The following ANXA8 variants were observed in gnomAD, a reference collection of about 807,000 sequenced individuals.
ANXA8 encodes the protein annexin A8, also known as VAC-beta.
A neutral mutation model predicts 26.8 loss-of-function variants in ANXA8; 9 were observed. The observed-to-expected ratio is 0.34, with a 90% CI of 0.20 to 0.59. The LOEUF (loss-of-function observed/expected upper bound fraction) is 0.59. Among genes scored for constraint, ANXA8 ranks in the 20% least tolerant of loss-of-function variants. ANXA8 has a pLI of 0.84. For synonymous variants in ANXA8, 39 were observed against 94.8 expected (o/e 0.41, Z 3.42); for missense variants, 83 against 238.5 (o/e 0.35, Z 4.29).
chr10:47,584,101 C>G, the ANXA8 span, among the ~76,000 whole-genome samples: 2 of 147,240 alleles, frequency 1.4e-5, 1 homozygote, highest in African/African-American at 5.3e-5. Flanking sequence ...CATCGCCCAG[C>G]CCGGAAGGTT....
chr10:47,779,125 G>A, the ANXA8 span, among the ~76,000 whole-genome samples: 2 of 141,010 alleles, frequency 1.4e-5, no homozygotes, highest in African/African-American at 2.7e-5. Context: ...TTAAACTGAG[G>A]TTATAGCCCA....
At chr10:47,660,148 A>G in the ANXA8 span, among the ~76,000 whole-genome samples, 1 of 147,058 alleles carries the variant, frequency 6.8e-6, no homozygotes, top group Non-Finnish European at 1.5e-5. Flanking sequence ...GAGTAATAGT[A>G]TGTATAAAAC....
the ANXA8 span, among the ~76,000 whole-genome samples, chr10:47,605,014 A>C: frequency 6.6e-6 from 1 of 151,288 alleles, no homozygotes; most frequent in East Asian, 1.9e-4. Flanking sequence ...ACGCATCCTA[A>C]ACCAAACCAA....
At chr10:47,607,869 TA>T in the ANXA8 span, among the ~76,000 whole-genome samples, 1 of 101,706 alleles carries the variant, frequency 9.8e-6, no homozygotes, top group Non-Finnish European at 1.9e-5. Context: ...AATAAACATT[TA>T]AAAAGGTGAG....
chr10:47,719,202 C>G, the ANXA8 span, among the ~76,000 whole-genome samples: 1 of 139,592 alleles, frequency 7.2e-6, no homozygotes. Context: ...CTCTTTCGCC[C>G]AGGCCGGTGT....
the ANXA8 span, among the ~76,000 whole-genome samples, chr10:47,639,289 C>T: frequency 7.0e-6 from 1 of 142,666 alleles, no homozygotes; most frequent in South Asian, 2.4e-4. Flanking sequence ...CCTGCTACCA[C>T]GCCCGGCTAA....
chr10:47,707,346 A>G, the ANXA8 span, among the ~76,000 whole-genome samples: 2 of 142,972 alleles, frequency 1.4e-5, no homozygotes, highest in African/African-American at 4.9e-5. Flanking sequence ...GAGCAATTGC[A>G]ACAAAACCAA....
chr10:47,615,365 GA>G, the ANXA8 span, among the ~76,000 whole-genome samples: 2 of 68,236 alleles, frequency 2.9e-5, 1 homozygote, highest in East Asian at 5.6e-4. Flanking sequence ...AAAAAAGTAG[GA>G]TATAGAAACA....
the ANXA8 span, among the ~76,000 whole-genome samples, chr10:47,889,035 C>T: frequency 9.1e-5 from 9 of 98,372 alleles, no homozygotes; most frequent in Admixed American, 2.1e-4. Context: ...TATTTATTTA[C>T]ATTTAGCTAT....
chr10:47,939,028 G>C, the ANXA8 span, among the ~76,000 whole-genome samples: 1 of 144,468 alleles, frequency 6.9e-6, no homozygotes, highest in Non-Finnish European at 1.5e-5. Context: ...AGCCCCACAA[G>C]AGTGTTCTAC....
At chr10:47,626,414 CTT>C in the ANXA8 span, among the ~76,000 whole-genome samples, 1 of 150,374 alleles carries the variant, frequency 6.7e-6, no homozygotes, top group Non-Finnish European at 1.5e-5. Context: ...TTAAATAAAA[CTT>C]TGAGAAAGTA....
the ANXA8 span, among the ~76,000 whole-genome samples, chr10:47,743,277 TAC>T: frequency 5.2e-4 from 48 of 92,250 alleles, 1 homozygote; most frequent in East Asian, 3.0e-3. Context: ...TATATATATA[TAC>T]ACACATATAT....
At chr10:47,533,225 C>CACACACACACACACATACACACA in the ANXA8 span, among the ~76,000 whole-genome samples, 5 of 98,588 alleles carry the variant, frequency 5.1e-5, no homozygotes, top group Admixed American at 1.0e-4. Flanking sequence ...ACACACACAC[C>CACACACACACACACATACACACA]CCCGCAGACA....
At chr10:47,704,700 A>G in the ANXA8 span, among the ~76,000 whole-genome samples, 5 of 151,980 alleles carry the variant, frequency 3.3e-5, no homozygotes, top group Admixed American at 1.3e-4. Flanking sequence ...GCTGGATATA[A>G]GATTAACATA....
the ANXA8 span, among the ~76,000 whole-genome samples, chr10:47,650,533 G>A: frequency 2.6e-5 from 4 of 151,450 alleles, no homozygotes; most frequent in Non-Finnish European, 4.4e-5. Flanking sequence ...CAGGCCAGGT[G>A]TGGTGGCTCA....
At chr10:47,586,631 C>T in the ANXA8 span, among the ~76,000 whole-genome samples, 1 of 145,976 alleles carries the variant, frequency 6.9e-6, no homozygotes, top group African/African-American at 2.8e-5. Flanking sequence ...TTTCTGGTGC[C>T]TTCTGGCTCC....
chr10:47,573,361 G>A, the ANXA8 span, among the ~76,000 whole-genome samples: 1 of 149,718 alleles, frequency 6.7e-6, no homozygotes, highest in Non-Finnish European at 1.5e-5. Flanking sequence ...AAATTCCTGG[G>A]CTCGAGCCAT....
chr10:47,609,371 G>A, the ANXA8 span, among the ~76,000 whole-genome samples: 13 of 135,990 alleles, frequency 9.6e-5, 1 homozygote, highest in Non-Finnish European at 1.9e-4. Context: ...GCAAGAAAGA[G>A]CTCACGATGA....
the ANXA8 span, among the ~76,000 whole-genome samples, chr10:47,734,227 T>C: frequency 7.2e-6 from 1 of 139,502 alleles, no homozygotes; most frequent in African/African-American, 2.7e-5. Context: ...CTGGGAGTTA[T>C]TTGCTGCTGC....
Sources: gnomAD v4.1 joint callset for allele counts (sites outside exome capture counted in the v4.1 genomes callset) on GRCh38, gnomAD v4.1.1 for gene constraint, MANE v1.5 for transcripts, NCBI Gene and HGNC (gene_info 2026-07-23, HGNC 2026-07-21) for gene names.